Variants in MACROD1 observed in about 807,000 individuals in gnomAD.
MACROD1 encodes ADP-ribose glycohydrolase MACROD1.
Under a neutral mutation model 41.4 loss-of-function variants are expected in MACROD1, and 31 were observed. The ratio of observed to expected loss-of-function variants is 0.75; its 90% CI spans 0.56 to 1.01. The LOEUF (loss-of-function observed/expected upper bound fraction) is 1.01, where lower values mean the gene tolerates loss of function less well. MACROD1 is among the 50% of genes least tolerant of loss of function. The probability of loss-of-function intolerance (pLI) is 0.00; values close to 1 mark genes in which losing one functional copy is unlikely to be tolerated. For synonymous variants in MACROD1, 252 were observed against 203.4 expected (o/e 1.24, Z -2.03); for missense variants, 473 against 460.0 (o/e 1.03, Z -0.26).
intron 3 of MACROD1, among the ~76,000 whole-genome samples, chr11:64,115,752 C>T (rs1390288367): frequency 2.6e-5 from 4 of 152,196 alleles, no homozygotes; most frequent in Non-Finnish European, 5.9e-5. Flanking sequence ...GCGTGCTCCT[C>T]GTGCAGTGCC....
At chr11:64,113,455 T>C (rs896527548) in intron 3 of MACROD1, among the ~76,000 whole-genome samples, 35 of 132,424 alleles carry the variant, frequency 2.6e-4, no homozygotes, top group African/African-American at 8.7e-4. Context: ...GATGGACAGG[T>C]GGATGCATGG....
chr11:64,045,972 G>A (rs1943577335), intron 3 of MACROD1, among the ~76,000 whole-genome samples: 1 of 152,142 alleles, frequency 6.6e-6, no homozygotes, highest in East Asian at 1.9e-4. Context: ...CACTCACTGT[G>A]GACCTGCAGT....
chr11:64,002,210 G>A (rs889948214), intron 4 of MACROD1, among the ~76,000 whole-genome samples: 1 of 152,204 alleles, frequency 6.6e-6, no homozygotes, highest in Non-Finnish European at 1.5e-5. Context: ...GGAGCCTCCC[G>A]GGTCGAGCAC....
chr11:64,027,858 G>T (rs1943241978), intron 3 of MACROD1, among the ~76,000 whole-genome samples: 1 of 152,244 alleles, frequency 6.6e-6, no homozygotes. Context: ...AGAAGGAAAG[G>T]AACTGGAAGA....
At position 64,036,155 on chromosome 11, in the gene MACROD1, C is replaced by A. The variant is rs61884700; in HGVS notation, c.518-20874G>T. The stretch of plus-strand genomic sequence containing the variant: ...AGGAGACCCGCCTCCCCGGCCGCTG[C>A]GCAGGTAGGGCTGGCTGCACCGGGC... On this transcript the variant is annotated intron_variant, in intron 3 of 10. Transcript: ENST00000255681. The surrounding 1 kb of genome is among the most constrained non-coding windows in gnomAD (Gnocchi z 5.6). The A allele has an allele frequency of 4.6e-5, 7 of 152,218 alleles. No homozygotes were observed. Among genetic ancestry groups the A allele is most frequent in the Middle Eastern group, 3.4e-3 (1 of 294 alleles). 9.4% of individuals were successfully genotyped at this position (152,218 alleles called of 1,614,324 possible).
chr11:64,108,604 T>C (rs969015789), intron 3 of MACROD1, among the ~76,000 whole-genome samples: 5 of 152,212 alleles, frequency 3.3e-5, no homozygotes, highest in African/African-American at 7.2e-5. Context: ...CTGGAGATGA[T>C]TGTGCCTTGG....
chr11:64,158,262 A>G (rs1054545400), intron 1 of MACROD1, among the ~76,000 whole-genome samples: 5 of 152,148 alleles, frequency 3.3e-5, no homozygotes, highest in Middle Eastern at 3.2e-3. Flanking sequence ...CACGTGAGAC[A>G]AGCCTACAAG....
intron 3 of MACROD1, among the ~76,000 whole-genome samples, chr11:64,061,216 A>G (rs1382552002): frequency 6.6e-6 from 1 of 152,226 alleles, no homozygotes; most frequent in Non-Finnish European, 1.5e-5. Context: ...TAACCCCTGT[A>G]ATAAATGCAT....
In MACROD1 at chr11:64,123,451, A is replaced by G. The variant is rs1454192257; in HGVS notation, c.517+27788T>C. ...GAGAGATTAAACTCCTTGGAGGTGC[A>G]GGGAAAGGGGGATTTTTCGTGGTTT... On this transcript the variant is annotated intron_variant, in intron 3 of 10. Coordinates refer to ENST00000255681, the MANE Select transcript of MACROD1 (RefSeq NM_014067.4). 2.1e-5 allele frequency among the ~76,000 whole-genome samples: 3 copies of G among 145,602 alleles called. No homozygotes were observed. In the East Asian group the frequency reaches 6.2e-4, roughly 30 times the overall value.
intron 3 of MACROD1, among the ~76,000 whole-genome samples, chr11:64,091,474 G>A (rs1439745945): frequency 1.3e-5 from 2 of 149,290 alleles, no homozygotes; most frequent in Non-Finnish European, 1.5e-5. Context: ...TGTGGGGGAC[G>A]AGCCTACAGG....
chr11:64,013,292 T>A (rs1426727355), intron 4 of MACROD1, among the ~76,000 whole-genome samples: 1 of 150,846 alleles, frequency 6.6e-6, no homozygotes, highest in East Asian at 2.0e-4. Flanking sequence ...AGTGCCAGCA[T>A]GGGGCAGGGG....
At chr11:64,054,666 CCTCACCTCCTG>C (rs1943751201) in intron 3 of MACROD1, among the ~76,000 whole-genome samples, 2 of 151,898 alleles carry the variant, frequency 1.3e-5, no homozygotes, top group South Asian at 4.2e-4. Flanking sequence ...AGAGAGACAA[CCTCACCTCCTG>C]CTTTTTGAAG....
intron 1 of MACROD1, among the ~76,000 whole-genome samples, chr11:64,156,387 T>G (rs1207162333): frequency 6.6e-6 from 1 of 152,202 alleles, no homozygotes; most frequent in Non-Finnish European, 1.5e-5. Context: ...CGGCTGGACC[T>G]GTGGCCAGAA....
At chr11:64,159,687 G>A (rs559858625) in intron 1 of MACROD1, among the ~76,000 whole-genome samples, 5 of 149,776 alleles carry the variant, frequency 3.3e-5, no homozygotes, top group African/African-American at 9.8e-5. Flanking sequence ...CCAGCTACGC[G>A]GGAGGCTGAG....
chr11:64,116,681 T>C (rs2134618188), intron 3 of MACROD1: 1 of 1,613,802 alleles, frequency 6.2e-7, no homozygotes, highest in Non-Finnish European at 8.5e-7. Context: ...AGGACAACAA[T>C]GTGCGCACCA....
At chr11:64,140,758 G>A (rs1168748264) in intron 3 of MACROD1, among the ~76,000 whole-genome samples, 4 of 152,210 alleles carry the variant, frequency 2.6e-5, no homozygotes, top group African/African-American at 4.8e-5. Context: ...GGCTCAGAGA[G>A]GTTAAGTGAT....
At chr11:64,149,506 G>A (rs528178530) in intron 3 of MACROD1, among the ~76,000 whole-genome samples, 16 of 152,260 alleles carry the variant, frequency 1.1e-4, no homozygotes, top group Non-Finnish European at 1.9e-4. Context: ...TGTTAATCAC[G>A]CCCACAGCCC....
chr11:64,066,643 GAAA>G (rs942773480), intron 3 of MACROD1, among the ~76,000 whole-genome samples: 2 of 78,892 alleles, frequency 2.5e-5, no homozygotes, highest in African/African-American at 4.6e-5. Context: ...TCTTCAAAAA[GAAA>G]AAAAAAAAAA....
intron 4 of MACROD1, among the ~76,000 whole-genome samples, chr11:64,003,398 T>C (rs1381477011): frequency 6.6e-6 from 1 of 152,170 alleles, no homozygotes; most frequent in Non-Finnish European, 1.5e-5. Flanking sequence ...TTTGTATTTT[T>C]AGTAGAGATG....
Sources: gnomAD v4.1 joint callset for allele counts (sites outside exome capture counted in the v4.1 genomes callset) on GRCh38, gnomAD v4.1.1 for gene constraint, Gnocchi (gnomAD v3.1) non-coding constraint, MANE v1.5 for transcripts, NCBI Gene and HGNC (gene_info 2026-07-23, HGNC 2026-07-21) for gene names.